Variants in CTNND2 observed in about 807,000 individuals in gnomAD.
The protein encoded by CTNND2 is catenin delta 2.
A neutral mutation model predicts 144.4 loss-of-function variants in CTNND2; 22 were observed. The observed-to-expected ratio is 0.15, with a 90% CI of 0.11 to 0.22. The LOEUF (loss-of-function observed/expected upper bound fraction) is 0.22, where lower values mean the gene tolerates loss of function less well. CTNND2 is among the 10% of genes least tolerant of loss of function. The probability of loss-of-function intolerance (pLI) is 1.00; values close to 1 mark genes in which losing one functional copy is unlikely to be tolerated. For synonymous variants in CTNND2, 751 were observed against 695.6 expected, an observed-to-expected ratio of 1.08 and a Z score of -1.25; for missense variants, 1,353 against 1,618.8, an observed-to-expected ratio of 0.84 and a Z score of 2.82.
chr5:11,736,673 T>G (rs575368458), intron 1 of CTNND2, among the ~76,000 whole-genome samples: 2 of 152,244 alleles, frequency 1.3e-5, no homozygotes, highest in African/African-American at 4.8e-5. Flanking sequence ...TACGTCAGTC[T>G]TAATCACAGC....
intron 15 of CTNND2, among the ~76,000 whole-genome samples, chr5:11,095,567 C>T (rs145003208): frequency 6.6e-6 from 1 of 152,314 alleles, no homozygotes; most frequent in African/African-American, 2.4e-5. Context: ...TTCGCTCAGC[C>T]AATCACAGGG....
intron 1 of CTNND2, among the ~76,000 whole-genome samples, chr5:11,789,916 G>T (rs559639779): frequency 1.3e-5 from 2 of 152,116 alleles, no homozygotes; most frequent in Non-Finnish European, 2.9e-5. Flanking sequence ...AACCAAGATT[G>T]GGTATTACAC....
chr5:11,485,391 G>A (rs925511535), intron 3 of CTNND2, among the ~76,000 whole-genome samples: 17 of 151,770 alleles, frequency 1.1e-4, no homozygotes, highest in African/African-American at 2.7e-4. Flanking sequence ...GCGCGCGTGC[G>A]CGCGCACATT....
intron 3 of CTNND2, among the ~76,000 whole-genome samples, chr5:11,514,260 A>G (rs762438655): frequency 3.8e-4 from 58 of 152,164 alleles, no homozygotes; most frequent in Non-Finnish European, 7.3e-4. Context: ...ATATATATAT[A>G]AGACATATAT....
chr5:11,876,113 C>T (rs2127061259), intron 1 of CTNND2, among the ~76,000 whole-genome samples: 1 of 152,226 alleles, frequency 6.6e-6, no homozygotes, highest in Admixed American at 6.5e-5. Context: ...AAGTGGAAGA[C>T]ACGATCATTC....
rs1262050894 is a variant in CTNND2, at chr5:11,397,083, T to C, written c.560A>G (p.Gln187Arg). Residue 187 changes from glutamine (Q) to arginine (R), a missense_variant, in exon 6 of 22, where the codon CAG (glutamine) becomes CGG (arginine). Around this residue, in one of 4 missense-constraint regions of CTNND2, gnomAD observed 708 missense variants for 706.4 expected, o/e 1.00. Transcript: ENST00000304623. ...GGCTTGTGTGCCTCGGGCCGGGAGC[T>C]GTGAAGGGGTGGTTTCCCCCAGGGC... ...TLALGETTPS[Q>R]LPARGTQARA... is the part of the protein sequence containing the mutation. 1 of 1,614,090 alleles carries C rather than the reference T, an allele frequency of 6.2e-7. No homozygotes were observed. The highest frequency in any genetic ancestry group is 1.1e-5 in the South Asian group (1 of 91,074).
chr5:11,267,907 C>T (rs1014025338), intron 9 of CTNND2, among the ~76,000 whole-genome samples: 1 of 152,126 alleles, frequency 6.6e-6, no homozygotes, highest in Non-Finnish European at 1.5e-5. Context: ...AGAAGATGGG[C>T]TTTGAAAAAG....
chr5:11,285,110 T>C (rs958250932), intron 9 of CTNND2, among the ~76,000 whole-genome samples: 1 of 152,192 alleles, frequency 6.6e-6, no homozygotes, highest in Non-Finnish European at 1.5e-5. Flanking sequence ...TGATTCCCCT[T>C]AATGTCTGAT....
chr5:11,167,884 T>C (rs1376297250), intron 11 of CTNND2, among the ~76,000 whole-genome samples: 1 of 151,230 alleles, frequency 6.6e-6, no homozygotes, highest in Non-Finnish European at 1.5e-5. Flanking sequence ...TTTTTTTTTT[T>C]TGGTAGAGAC....
chr5:11,365,865 G>A (rs185716134), intron 7 of CTNND2, among the ~76,000 whole-genome samples: 19 of 152,298 alleles, frequency 1.2e-4, no homozygotes, highest in Non-Finnish European at 2.4e-4. Flanking sequence ...GATGGCCTTG[G>A]GGCATCAAGG....
intron 1 of CTNND2, among the ~76,000 whole-genome samples, chr5:11,831,080 G>A (rs1793874831): frequency 6.6e-6 from 1 of 151,800 alleles, no homozygotes; most frequent in Non-Finnish European, 1.5e-5. Flanking sequence ...GTGTCTGCTG[G>A]GTTGGAAGAC....
At chr5:11,734,749 T>C (rs1204834641) in intron 1 of CTNND2, among the ~76,000 whole-genome samples, 1 of 152,176 alleles carries the variant, frequency 6.6e-6, no homozygotes, top group Admixed American at 6.5e-5. Context: ...CCCTAAGTTA[T>C]TACGTATGTC....
chr5:11,518,033 T>TG (rs781538889), intron 3 of CTNND2, among the ~76,000 whole-genome samples: 27 of 151,938 alleles, frequency 1.8e-4, no homozygotes, highest in East Asian at 1.4e-3. Flanking sequence ...AACGGGGCAA[T>TG]GGGGTGATGT....
intron 2 of CTNND2, among the ~76,000 whole-genome samples, chr5:11,650,898 T>A (rs2727592): frequency 0.37 from 55,598 of 152,052 alleles, 13,353 homozygotes; most frequent in African/African-American, 0.69. Flanking sequence ...TTATATTTAA[T>A]AGGAGAGCAG....
intron 1 of CTNND2, among the ~76,000 whole-genome samples, chr5:11,817,799 C>T (rs1793074563): frequency 6.6e-6 from 1 of 151,814 alleles, no homozygotes; most frequent in Non-Finnish European, 1.5e-5. Context: ...ATGTTGAACA[C>T]CAGCAGAAGC....
chr5:11,577,248 C>T (rs1778042332), intron 2 of CTNND2, among the ~76,000 whole-genome samples: 1 of 152,142 alleles, frequency 6.6e-6, no homozygotes, highest in Non-Finnish European at 1.5e-5. Context: ...GCAACAGATG[C>T]TTATGTGGAA....
intron 14 of CTNND2, among the ~76,000 whole-genome samples, chr5:11,103,034 T>G (rs894726032): frequency 1.7e-4 from 22 of 131,540 alleles, no homozygotes; most frequent in African/African-American, 6.4e-4. Flanking sequence ...CAGGCTGGAG[T>G]GCAGTGGCAC....
chr5:10,995,626 T>C (rs1223181092), intron 18 of CTNND2, among the ~76,000 whole-genome samples: 4 of 152,076 alleles, frequency 2.6e-5, no homozygotes, highest in African/African-American at 9.7e-5. Flanking sequence ...TGGAGAGATG[T>C]TTTCATAGAT....
intron 16 of CTNND2, among the ~76,000 whole-genome samples, chr5:11,047,248 C>T (rs1387403187): frequency 6.6e-6 from 1 of 152,098 alleles, no homozygotes. Context: ...CACACCTCTG[C>T]CTGTCCAGGA....
Sources: allele counts gnomAD v4.1 joint callset (sites outside exome capture counted in the v4.1 genomes callset), GRCh38; gene constraint gnomAD v4.1.1; regional missense constraint gnomAD v4.1.1; transcripts MANE v1.5; gene names NCBI Gene and HGNC (gene_info 2026-07-23, HGNC 2026-07-21).